The following ZNF804A variants were observed in gnomAD, a reference collection of about 807,000 sequenced individuals.
The protein encoded by ZNF804A is zinc finger protein 804A.
ZNF804A carries 2 observed loss-of-function variants against 16.5 expected under a neutral mutation model. The observed-to-expected ratio is 0.12, with a 90% CI of 0.05 to 0.38. ZNF804A has a LOEUF of 0.38. Ranked by LOEUF, ZNF804A falls within the 10% of genes least tolerant of loss-of-function variation. The pLI is 0.99. For missense variants in ZNF804A, 1,473 were observed against 1,390.7 expected (o/e 1.06, Z -0.94); for synonymous variants, 534 against 489.6 (o/e 1.09, Z -1.20).
At chr2:184,826,192 A>G (rs1223814359) in intron 1 of ZNF804A, among the ~76,000 whole-genome samples, 1 of 152,062 alleles carries the variant, frequency 6.6e-6, no homozygotes, top group Non-Finnish European at 1.5e-5. Flanking sequence ...CTCCCTTTTT[A>G]CTTTTAAATA....
At chr2:184,659,775 A>G (rs1156640193) in intron 1 of ZNF804A, among the ~76,000 whole-genome samples, 1 of 152,188 alleles carries the variant, frequency 6.6e-6, no homozygotes, top group African/African-American at 2.4e-5. Context: ...TTCGGAGTTT[A>G]TTATTATTTT....
At chr2:184,766,735 A>G (rs1306337244) in intron 1 of ZNF804A, among the ~76,000 whole-genome samples, 1 of 152,104 alleles carries the variant, frequency 6.6e-6, no homozygotes, top group Non-Finnish European at 1.5e-5. Flanking sequence ...TTATACATTC[A>G]TATTGTCTCA....
intron 2 of ZNF804A, among the ~76,000 whole-genome samples, chr2:184,912,687 A>G (rs1408902028): frequency 6.6e-6 from 1 of 152,078 alleles, no homozygotes; most frequent in East Asian, 1.9e-4. Flanking sequence ...TTTGATTCAC[A>G]TTTCTCTAAT....
chr2:184,933,318 G>C (rs1057411395), intron 2 of ZNF804A, among the ~76,000 whole-genome samples: 1 of 152,136 alleles, frequency 6.6e-6, no homozygotes, highest in Non-Finnish European at 1.5e-5. Flanking sequence ...GAATTACGCA[G>C]AGAAACAGCA....
chr2:184,829,582 C>T (rs571579830), intron 1 of ZNF804A, among the ~76,000 whole-genome samples: 30 of 151,814 alleles, frequency 2.0e-4, no homozygotes, highest in South Asian at 1.5e-3. Flanking sequence ...ATTCAACTTA[C>T]GGGCAAAAGA....
At chr2:184,855,076 T>A (rs1373532173) in intron 1 of ZNF804A, among the ~76,000 whole-genome samples, 1 of 152,090 alleles carries the variant, frequency 6.6e-6, no homozygotes. Context: ...AAACCAAATC[T>A]ATAACGCTGA....
chr2:184,823,936 T>A (rs952622684), intron 1 of ZNF804A, among the ~76,000 whole-genome samples: 6 of 152,170 alleles, frequency 3.9e-5, no homozygotes, highest in Admixed American at 3.3e-4. Context: ...CATAACAAAT[T>A]TTCTCCCTTT....
chr2:184,762,227 T>C (rs577785928), intron 1 of ZNF804A, among the ~76,000 whole-genome samples: 72 of 150,202 alleles, frequency 4.8e-4, no homozygotes, highest in African/African-American at 1.7e-3. Context: ...TTTTTTTGCC[T>C]ATGGTTATAT....
At chr2:184,821,619 AACAG>A (rs1695085425) in intron 1 of ZNF804A, among the ~76,000 whole-genome samples, 1 of 152,194 alleles carries the variant, frequency 6.6e-6, no homozygotes, top group African/African-American at 2.4e-5. Context: ...CATCAGAGTG[AACAG>A]ACAACCTACA....
intron 1 of ZNF804A, among the ~76,000 whole-genome samples, chr2:184,771,372 G>C (rs1001729823): frequency 1.3e-5 from 2 of 151,824 alleles, no homozygotes; most frequent in Non-Finnish European, 2.9e-5. Flanking sequence ...GTTTCTGTAC[G>C]TCAGGTGTCC....
chr2:184,707,843 A>G (rs567262978), intron 1 of ZNF804A, among the ~76,000 whole-genome samples: 1 of 152,150 alleles, frequency 6.6e-6, no homozygotes, highest in South Asian at 2.1e-4. Flanking sequence ...GGTAGTTCGA[A>G]GTTCTTTGAG....
intron 3 of ZNF804A, among the ~76,000 whole-genome samples, chr2:184,935,282 A>G (rs528574033): frequency 4.6e-5 from 7 of 152,260 alleles, no homozygotes; most frequent in East Asian, 1.9e-4. Context: ...GCCCATACCA[A>G]TTGGGCTATA....
intron 2 of ZNF804A, among the ~76,000 whole-genome samples, chr2:184,903,730 C>T (rs1169936497): frequency 6.6e-6 from 1 of 152,020 alleles, no homozygotes; most frequent in Non-Finnish European, 1.5e-5. Context: ...GTATGATTGA[C>T]ATATGAAAAG....
chr2:184,637,782 A>C (rs1691724826), intron 1 of ZNF804A, among the ~76,000 whole-genome samples: 1 of 152,186 alleles, frequency 6.6e-6, no homozygotes, highest in African/African-American at 2.4e-5. Context: ...GTTGTAACTA[A>C]TGTTTTTCTG....
chr2:184,930,010 C>T (rs1367920171), intron 2 of ZNF804A, among the ~76,000 whole-genome samples: 1 of 151,984 alleles, frequency 6.6e-6, no homozygotes, highest in Non-Finnish European at 1.5e-5. Flanking sequence ...GTAAAATACG[C>T]ATAAATACAC....
chr2:184,775,387 A>G (rs1367055689), intron 1 of ZNF804A, among the ~76,000 whole-genome samples: 2 of 151,694 alleles, frequency 1.3e-5, no homozygotes, highest in Non-Finnish European at 3.0e-5. Flanking sequence ...CAGTGTAGTA[A>G]TAGTCATTGT....
intron 1 of ZNF804A, among the ~76,000 whole-genome samples, chr2:184,804,398 T>C (rs80050970): frequency 0.01 from 1,540 of 152,308 alleles, 17 homozygotes; most frequent in African/African-American, 0.035. Flanking sequence ...TGTGTCCGGA[T>C]GTATCTGAAA....
chr2:184,888,537 C>G lies in ZNF804A; in HGVS notation c.255+22025C>G, dbSNP rs1178456211. Among the ~76,000 whole-genome samples the G allele has an allele frequency of 2.0e-5, 3 of 152,126 alleles. No individual in the cohort carries two copies. In the South Asian group the frequency reaches 6.2e-4, roughly 31 times the overall value. The stretch of plus-strand genomic sequence containing the variant: ...TGTTGGTATGTATTCTAAGCATAGG[C>G]ATCTCATCCCAAAGTGATGGATACA... On this transcript the variant is annotated intron_variant, in intron 2 of 3. Transcript: ENST00000302277.
chr2:184,884,451 T>C (rs1410879637), intron 2 of ZNF804A, among the ~76,000 whole-genome samples: 1 of 151,684 alleles, frequency 6.6e-6, no homozygotes, highest in Non-Finnish European at 1.5e-5. Flanking sequence ...AAAAAACTAC[T>C]ATAAAATTCA....
Sources: gnomAD v4.1 joint callset for allele counts (sites outside exome capture counted in the v4.1 genomes callset) on GRCh38, gnomAD v4.1.1 for gene constraint, MANE v1.5 for transcripts, NCBI Gene and HGNC (gene_info 2026-07-23, HGNC 2026-07-21) for gene names.